The following RGS6 variants were observed in gnomAD, a reference collection of about 807,000 sequenced individuals.
The protein encoded by RGS6 is regulator of G protein signaling 6, also known as regulator of G-protein signaling 6.
Under a neutral mutation model 78.5 loss-of-function variants are expected in RGS6, and 30 were observed. That is an observed-to-expected ratio of 0.38 (90% confidence interval 0.29 to 0.52). The LOEUF (loss-of-function observed/expected upper bound fraction) is 0.52, where lower values mean the gene tolerates loss of function less well. RGS6 is among the 20% of genes least tolerant of loss of function. RGS6 has a pLI of 0.85. For missense variants in RGS6, 495 were observed against 609.7 expected, an observed-to-expected ratio of 0.81 and a Z score of 1.98; for synonymous variants, 206 against 206.0, an observed-to-expected ratio of 1.00 and a Z score of 0.00.
At chr14:72,208,016 T>C (rs1476266086) in intron 2 of RGS6, among the ~76,000 whole-genome samples, 1 of 152,208 alleles carries the variant, frequency 6.6e-6, no homozygotes, top group Non-Finnish European at 1.5e-5. Context: ...GAATCATCTC[T>C]CTTTTACTCA....
At chr14:72,390,525 T>C (rs1421804253) in intron 3 of RGS6, among the ~76,000 whole-genome samples, 1 of 152,172 alleles carries the variant, frequency 6.6e-6, no homozygotes, top group Non-Finnish European at 1.5e-5. Context: ...GAGACAGTTA[T>C]GAAAAGTTTT....
chr14:72,409,260 C>A (rs2093201675), intron 3 of RGS6, among the ~76,000 whole-genome samples: 1 of 152,132 alleles, frequency 6.6e-6, no homozygotes, highest in Non-Finnish European at 1.5e-5. Flanking sequence ...GCACCCAGAA[C>A]CAGAAAAGGT....
intron 13 of RGS6, among the ~76,000 whole-genome samples, chr14:72,497,928 G>T (rs971475637): frequency 1.3e-5 from 2 of 151,934 alleles, no homozygotes; most frequent in Non-Finnish European, 2.9e-5. Context: ...GGATGGAGTT[G>T]CTACATCTTT....
Position 72,472,904 on chromosome 14 carries a change from A to G in RGS6, c.569A>G (p.Lys190Arg), listed in dbSNP as rs769994237. The change falls in exon 9 of 18, where the codon AAA (lysine) becomes AGA (arginine). Residue 190 changes from lysine (K) to arginine (R), a missense_variant. Transcript: ENST00000553525. Reference sequence around the variant, plus strand: ...CGGAAAAAAGACAAGACAGAAAGGAAAATTTTGGATAGTCAAGAACGAGCC... The same window carrying G: ...CGGAAAAAAGACAAGACAGAAAGGAGAATTTTGGATAGTCAAGAACGAGCC... ...IDRKKDKTER[K>R]ILDSQERAFW... 6.2e-7 allele frequency: 1 copy of G among 1,613,578 alleles called. No homozygotes were observed. Among genetic ancestry groups the G allele is most frequent in the Non-Finnish European group, 8.5e-7 (1 of 1,179,722 alleles).
rs979230957 is a variant in RGS6 at position 72,249,448 on chromosome 14, T to G, written c.85-102647T>G. On this transcript the variant is annotated intron_variant, in intron 2 of 17. Transcript: ENST00000553525. ...TACAAAAGGGTAACTTTTCAGTGCT[T>G]CTTCTGTATGTGCAGTTTCTCAAAA... Among the ~76,000 whole-genome samples the G allele has an allele frequency of 1.1e-3, 161 of 152,324 alleles. 2 individuals are homozygous for G. The highest frequency in any genetic ancestry group is 3.4e-3 in the Middle Eastern group (1 of 294).
the RGS6 span, chr14:72,629,582 T>C: frequency 1.3e-6 from 2 of 1,500,360 alleles, no homozygotes; most frequent in South Asian, 2.4e-5. Flanking sequence ...GGACCCCAGC[T>C]CTGTGGATTT....
chr14:71,911,064 C>T, the RGS6 span, among the ~76,000 whole-genome samples: 1 of 152,098 alleles, frequency 6.6e-6, no homozygotes, highest in Non-Finnish European at 1.5e-5. Context: ...TAAATGTCCT[C>T]ACAAATGTAA....
chr14:72,208,878 A>T (rs2043336926), intron 2 of RGS6, among the ~76,000 whole-genome samples: 1 of 152,198 alleles, frequency 6.6e-6, no homozygotes, highest in Admixed American at 6.5e-5. Flanking sequence ...CTATCCCATG[A>T]TAGGTCTATT....
chr14:72,058,230 C>T (rs2093716150), intron 2 of RGS6, among the ~76,000 whole-genome samples: 1 of 152,022 alleles, frequency 6.6e-6, no homozygotes, highest in Non-Finnish European at 1.5e-5. Flanking sequence ...ACTCATCTTC[C>T]AAAAAATCTT....
intron 2 of RGS6, among the ~76,000 whole-genome samples, chr14:71,986,571 G>A (rs555805107): frequency 1.3e-5 from 2 of 152,098 alleles, no homozygotes; most frequent in Admixed American, 1.3e-4. Context: ...TTGTCTGGGT[G>A]TGGTGGCGTG....
At chr14:72,627,981 C>A in the RGS6 span, among the ~76,000 whole-genome samples, 2 of 151,990 alleles carry the variant, frequency 1.3e-5, no homozygotes, top group Admixed American at 1.3e-4. Context: ...GTTTTATAAT[C>A]TGTTACCTTT....
chr14:72,239,993 A>G (rs904114705), intron 2 of RGS6, among the ~76,000 whole-genome samples: 1 of 152,078 alleles, frequency 6.6e-6, no homozygotes, highest in Non-Finnish European at 1.5e-5. Flanking sequence ...TCATATATTA[A>G]CTAGTAACTG....
At chr14:72,097,908 G>A (rs1203813992) in intron 2 of RGS6, among the ~76,000 whole-genome samples, 2 of 152,140 alleles carry the variant, frequency 1.3e-5, no homozygotes, top group Non-Finnish European at 2.9e-5. Context: ...AGGATGCAGA[G>A]GTTTGGCAAA....
intron 2 of RGS6, among the ~76,000 whole-genome samples, chr14:72,343,884 T>C (rs1335115760): frequency 6.6e-6 from 1 of 152,172 alleles, no homozygotes; most frequent in African/African-American, 2.4e-5. Context: ...TTGAGGAGAT[T>C]AGAATAAAAG....
intron 2 of RGS6, among the ~76,000 whole-genome samples, chr14:71,988,436 A>G (rs957262193): frequency 4.6e-5 from 7 of 152,210 alleles, no homozygotes; most frequent in African/African-American, 9.6e-5. Context: ...AATGGTTGAA[A>G]AACTTTAAAA....
intron 2 of RGS6, among the ~76,000 whole-genome samples, chr14:72,105,125 A>G (rs1165844373): frequency 6.6e-6 from 1 of 152,200 alleles, no homozygotes; most frequent in African/African-American, 2.4e-5. Context: ...ATTGAGTATC[A>G]GGCATCAGCC....
intron 3 of RGS6, among the ~76,000 whole-genome samples, chr14:72,418,269 C>T (rs1015937750): frequency 2.6e-5 from 4 of 151,978 alleles, no homozygotes; most frequent in African/African-American, 7.3e-5. Context: ...CGGGTTCAAG[C>T]AATTCTCCTG....
At chr14:72,458,032 G>A (rs1281254816) in intron 4 of RGS6, among the ~76,000 whole-genome samples, 1 of 152,198 alleles carries the variant, frequency 6.6e-6, no homozygotes. Context: ...AGGTCAGGGT[G>A]AGGAGGGGTT....
At chr14:71,936,015 G>GATATATATATATATAT (rs55686505) in intron 1 of RGS6, among the ~76,000 whole-genome samples, 3,993 of 63,184 alleles carry the variant, frequency 0.063, 301 homozygotes, top group Non-Finnish European at 0.078. Context: ...GAACTAATAG[G>GATATATATATATATAT]ATATATATAT....
Sources: gnomAD v4.1 joint callset for allele counts (sites outside exome capture counted in the v4.1 genomes callset) on GRCh38, gnomAD v4.1.1 for gene constraint, MANE v1.5 for transcripts, NCBI Gene and HGNC (gene_info 2026-07-23, HGNC 2026-07-21) for gene names.